AGMO: variants seen among roughly 807,000 people sequenced by gnomAD.
AGMO encodes glyceryl-ether monooxygenase.
Under a neutral mutation model 60.2 loss-of-function variants are expected in AGMO, and 75 were observed. The ratio of observed to expected loss-of-function variants is 1.25; its 90% confidence interval spans 1.03 to 1.51. The LOEUF is 1.51. Among genes scored for constraint, AGMO ranks in the 40% most tolerant of loss-of-function variants. The probability of loss-of-function intolerance (pLI) is 0.00; values close to 1 mark genes in which losing one functional copy is unlikely to be tolerated. For missense variants in AGMO, 763 were observed against 525.5 expected (o/e 1.45, Z -4.42); for synonymous variants, 261 against 177.1 (o/e 1.47, Z -3.76).
intron 12 of AGMO, among the ~76,000 whole-genome samples, chr7:15,290,936 G>C (rs1375720040): frequency 6.6e-6 from 1 of 152,092 alleles, no homozygotes; most frequent in African/African-American, 2.4e-5. Flanking sequence ...AGAAAAGCTA[G>C]AAAATAATAT....
the AGMO span, among the ~76,000 whole-genome samples, chr7:15,171,372 C>T: frequency 2.6e-5 from 4 of 152,150 alleles, no homozygotes; most frequent in African/African-American, 9.7e-5. Context: ...CATGACTTAT[C>T]ACTGTTGATG....
intron 5 of AGMO, among the ~76,000 whole-genome samples, chr7:15,415,442 T>C (rs60040925): frequency 3.3e-5 from 5 of 151,236 alleles, no homozygotes; most frequent in African/African-American, 4.9e-5. Flanking sequence ...ACTTGGGAGG[T>C]TGAGGCAGAA....
intron 12 of AGMO, among the ~76,000 whole-genome samples, chr7:15,227,152 T>C (rs1283046914): frequency 6.6e-6 from 1 of 152,084 alleles, no homozygotes; most frequent in Non-Finnish European, 1.5e-5. Context: ...TTTGAACTCC[T>C]GCATACCAAA....
intron 12 of AGMO, among the ~76,000 whole-genome samples, chr7:15,327,116 G>A (rs938080301): frequency 6.6e-6 from 1 of 152,164 alleles, no homozygotes; most frequent in African/African-American, 2.4e-5. Flanking sequence ...GTGACCCTCT[G>A]AGCTTAAGAG....
intron 3 of AGMO, among the ~76,000 whole-genome samples, chr7:15,499,258 A>G (rs1167837389): frequency 1.3e-5 from 2 of 152,002 alleles, no homozygotes; most frequent in Admixed American, 6.6e-5. Context: ...TCTTACCTCA[A>G]TAAAGATGTT....
intron 10 of AGMO, among the ~76,000 whole-genome samples, chr7:15,368,125 G>T (rs1215546638): frequency 1.3e-5 from 2 of 151,962 alleles, no homozygotes. Flanking sequence ...GAATACAAAA[G>T]GATTAGAATG....
chr7:15,270,153 G>A (rs538542816), intron 12 of AGMO, among the ~76,000 whole-genome samples: 65 of 152,144 alleles, frequency 4.3e-4, no homozygotes, highest in Non-Finnish European at 8.1e-4. Context: ...AGTTCAAATG[G>A]TAGTTCTATT....
At chr7:15,445,326 T>C (rs1479432015) in intron 3 of AGMO, among the ~76,000 whole-genome samples, 4 of 152,164 alleles carry the variant, frequency 2.6e-5, no homozygotes, top group Non-Finnish European at 5.9e-5. Context: ...AAAACTATAT[T>C]GGACACATTA....
chr7:15,137,507 T>C, the AGMO span, among the ~76,000 whole-genome samples: 1 of 152,146 alleles, frequency 6.6e-6, no homozygotes, highest in Non-Finnish European at 1.5e-5. Flanking sequence ...GGGGAAAGTT[T>C]TAGGGGAAGG....
At chr7:15,198,903 T>C (rs1260156971), downstream of AGMO, among the ~76,000 whole-genome samples, 1 of 152,190 alleles carries the variant, frequency 6.6e-6, no homozygotes, top group Non-Finnish European at 1.5e-5. Flanking sequence ...GTTCGAATCT[T>C]GTAGCCTCTA....
intron 3 of AGMO, among the ~76,000 whole-genome samples, chr7:15,525,746 G>A (rs1784112605): frequency 1.3e-5 from 2 of 152,130 alleles, no homozygotes; most frequent in Non-Finnish European, 2.9e-5. Context: ...GCGTAGCTGA[G>A]CCAGCCCAGG....
chr7:15,390,821 T>A lies in AGMO; in HGVS notation c.742+19A>T. On this transcript the variant is annotated intron_variant, in intron 7 of 12. Transcript: ENST00000342526. The stretch of plus-strand genomic sequence containing the variant: ...AAAGGAGCTGATTTAATTTTTTGAT[T>A]TTAATACATTTTACTTACCAAAAAT... 1 of 1,593,466 alleles carries A rather than the reference T, an allele frequency of 6.3e-7. No individual in the cohort carries two copies. Among genetic ancestry groups the A allele is most frequent in the Non-Finnish European group, 8.6e-7 (1 of 1,163,432 alleles).
chr7:15,333,815 A>G (rs576041182), intron 12 of AGMO, among the ~76,000 whole-genome samples: 31 of 152,200 alleles, frequency 2.0e-4, no homozygotes, highest in East Asian at 9.7e-4. Flanking sequence ...TGTAGTTACA[A>G]TAATTGTAGT....
chr7:15,440,589 C>A (rs920417748), intron 3 of AGMO, among the ~76,000 whole-genome samples: 1 of 152,202 alleles, frequency 6.6e-6, no homozygotes, highest in Middle Eastern at 3.4e-3. Flanking sequence ...TTAGGTGTTA[C>A]AGATAGGTAG....
intron 12 of AGMO, among the ~76,000 whole-genome samples, chr7:15,317,956 A>C (rs5027978): frequency 0.023 from 1,451 of 64,040 alleles, 15 homozygotes; most frequent in Non-Finnish European, 0.039. Flanking sequence ...CACACACACT[A>C]TATATATATA....
At chr7:15,223,884 T>A (rs984449980) in intron 12 of AGMO, among the ~76,000 whole-genome samples, 1 of 151,672 alleles carries the variant, frequency 6.6e-6, no homozygotes, top group East Asian at 1.9e-4. Flanking sequence ...TATGTCAATG[T>A]CACAAATGTT....
chr7:15,301,574 G>T (rs1784560621), intron 12 of AGMO, among the ~76,000 whole-genome samples: 1 of 151,970 alleles, frequency 6.6e-6, no homozygotes, highest in African/African-American at 2.4e-5. Context: ...ACAATAAGTG[G>T]TAATTTAAAA....
intron 12 of AGMO, among the ~76,000 whole-genome samples, chr7:15,322,981 A>T (rs367688819): frequency 0.36 from 53,121 of 146,152 alleles, 10,493 homozygotes; most frequent in East Asian, 0.5. Flanking sequence ...ATATATATGT[A>T]TTTATTTTTT....
chr7:15,426,962 G>A (rs1328606955), intron 4 of AGMO, among the ~76,000 whole-genome samples: 1 of 152,092 alleles, frequency 6.6e-6, no homozygotes, highest in East Asian at 1.9e-4. Flanking sequence ...AGCTCTGCAT[G>A]TGATAAGGAG....
Sources: allele counts gnomAD v4.1 joint callset (sites outside exome capture counted in the v4.1 genomes callset), GRCh38; gene constraint gnomAD v4.1.1; transcripts MANE v1.5; gene names NCBI Gene and HGNC (gene_info 2026-07-23, HGNC 2026-07-21).